Variants in ADAM19 observed in about 807,000 individuals in gnomAD.
The protein encoded by ADAM19 is ADAM metallopeptidase domain 19, also known as disintegrin and metalloproteinase domain-containing protein 19.
Under a neutral mutation model 114.7 loss-of-function variants are expected in ADAM19, and 65 were observed. That is an observed-to-expected ratio of 0.57 (90% confidence interval 0.46 to 0.70). The LOEUF is 0.70. Among genes scored for constraint, ADAM19 ranks in the 30% least tolerant of loss-of-function variants. The pLI, the probability that ADAM19 is intolerant of heterozygous loss-of-function variation, is 0.00. For missense variants in ADAM19, 1,063 were observed against 1,204.7 expected, an observed-to-expected ratio of 0.88 and a Z score of 1.74; for synonymous variants, 466 against 460.5, an observed-to-expected ratio of 1.01 and a Z score of -0.15.
In ADAM19 at chr5:157,570,958, G is replaced by A; in HGVS notation, c.117C>T (p.Pro39=). ...GWTRGSEEGS[P]KLQHELIIPQ... ...GTATGATAAGTTCATGCTGCAGCTTGGGGCTGCCTTCCTCACTTCCTCCTG... is the reference window on the plus strand; with the variant it reads ...GTATGATAAGTTCATGCTGCAGCTTAGGGCTGCCTTCCTCACTTCCTCCTG... The change falls in exon 2 of 23, where the codon CCC becomes CCT. Residue 39 remains proline, a synonymous_variant. Transcript: ENST00000257527. 1.9e-6 allele frequency: 3 copies of A among 1,614,076 alleles called. No homozygotes were observed. The highest frequency in any genetic ancestry group is 2.5e-6 in the Non-Finnish European group (3 of 1,179,980).
At chr5:157,511,875 G>A (rs1006341573) in intron 8 of ADAM19, among the ~76,000 whole-genome samples, 4 of 152,174 alleles carry the variant, frequency 2.6e-5, no homozygotes, top group Non-Finnish European at 5.9e-5. Context: ...CCAGGCTTAG[G>A]GCTTTCAGTA....
chr5:157,567,738 G>A (rs1183375112), intron 2 of ADAM19, among the ~76,000 whole-genome samples: 4 of 151,736 alleles, frequency 2.6e-5, no homozygotes, highest in East Asian at 1.9e-4. Flanking sequence ...CAGAGGTTGC[G>A]GTAAGCTGAG....
At chr5:157,530,111 G>A (rs771866847) in intron 5 of ADAM19, among the ~76,000 whole-genome samples, 1 of 152,130 alleles carries the variant, frequency 6.6e-6, no homozygotes, top group Non-Finnish European at 1.5e-5. Context: ...ACCATAGAGG[G>A]ACTGCCCCTT....
chr5:157,539,808 T>C (rs1215916886), intron 3 of ADAM19, among the ~76,000 whole-genome samples: 2 of 152,206 alleles, frequency 1.3e-5, no homozygotes, highest in Non-Finnish European at 1.5e-5. Flanking sequence ...GTAAGCCTCA[T>C]GAGGGCAGAG....
chr5:157,493,209 G>A (rs749112912), intron 15 of ADAM19, 32 bp from the exon 16 acceptor site: 34 of 1,604,508 alleles, frequency 2.1e-5, no homozygotes, highest in Admixed American at 3.3e-5. Flanking sequence ...GGAAGGAAGC[G>A]GAATCAGAGG....
chr5:157,554,099 A>T (rs181620745), intron 3 of ADAM19, among the ~76,000 whole-genome samples: 159 of 152,368 alleles, frequency 1.0e-3, no homozygotes, highest in African/African-American at 5.1e-4. Flanking sequence ...AGGGATTTTT[A>T]AAATCTACAT....
At chr5:157,481,483 C>T in intron 22 of ADAM19, 1 of 946,846 alleles carries the variant, frequency 1.1e-6, no homozygotes, top group South Asian at 1.8e-5. Flanking sequence ...TACTGCTCAT[C>T]ATAGCCTCTG....
At chr5:157,551,411 C>CAAAAAAA (rs1307546089) in intron 3 of ADAM19, among the ~76,000 whole-genome samples, 3 of 73,486 alleles carry the variant, frequency 4.1e-5, no homozygotes, top group South Asian at 4.1e-4. Flanking sequence ...CCCCCCAACC[C>CAAAAAAA]CAAAAAAAAA....
chr5:157,571,078 T>C, intron 1 of ADAM19, 98 bp from the exon 2 acceptor site: 1 of 960,102 alleles, frequency 1.0e-6, no homozygotes, highest in African/African-American at 1.6e-5. Context: ...CACTGGGTCA[T>C]TAGAAGACTT....
rs572323626 is a variant in ADAM19, at chr5:157,491,623, G to T, written c.2087C>A (p.Pro696His). 4.0e-6 allele frequency: 6 copies of T among 1,517,200 alleles called. No individual in the cohort carries two copies. In the African/African-American group the frequency reaches 5.5e-5, roughly 14 times the overall value. The allele number at this position is 1,517,200 out of a possible 1,614,324, so 94.0% of individuals were successfully genotyped here. Residue 696 changes from proline to histidine, a missense_variant, in exon 18 of 23, where the codon CCC (proline) becomes CAC (histidine). Transcript: ENST00000257527. ...AGCAGGCTGGCACTCACTCTCAGGGGGCATAGGCCCACTGTCGATACTGCC... is the reference window on the plus strand; with the variant it reads ...AGCAGGCTGGCACTCACTCTCAGGGTGCATAGGCCCACTGTCGATACTGCC... ...HGGSIDSGPM[P>H]PESVGPVVAG...
At chr5:157,511,983 C>T (rs549968436) in intron 8 of ADAM19, among the ~76,000 whole-genome samples, 9 of 152,300 alleles carry the variant, frequency 5.9e-5, no homozygotes, top group Admixed American at 4.6e-4. Context: ...CAGCCAAGTC[C>T]GAACCTGCCA....
At chr5:157,569,159 C>T (rs1469640563) in intron 2 of ADAM19, 5 of 152,068 alleles carry the variant, frequency 3.3e-5, no homozygotes, top group Admixed American at 6.6e-5. Flanking sequence ...TTCAGCCTCT[C>T]CTACTTTTTG....
intron 3 of ADAM19, among the ~76,000 whole-genome samples, chr5:157,557,171 G>A (rs1757390294): frequency 6.6e-6 from 1 of 152,188 alleles, no homozygotes. Context: ...GCCTCCCAAA[G>A]TGCTAGGATT....
Position 157,491,629 on chromosome 5 carries a change from G to A in ADAM19, c.2081C>T (p.Pro694Leu). Reference sequence around the variant, plus strand: ...CTGGCACTCACTCTCAGGGGGCATAGGCCCACTGTCGATACTGCCCCCGTG... The same window carrying A: ...CTGGCACTCACTCTCAGGGGGCATAAGCCCACTGTCGATACTGCCCCCGTG... ...PGHGGSIDSG[P>L]MPPESVGPVV... Residue 694 changes from proline (P) to leucine (L), a missense_variant, in exon 18 of 23, where the codon CCT (proline) becomes CTT (leucine). Physicochemically the swap from Pro to Leu is moderately conservative, Grantham distance 98. This residue lies in a region of ADAM19 where 424 missense variants were observed against 445.5 expected (regional missense o/e 0.95). Coordinates refer to ENST00000257527, the MANE Select transcript of ADAM19 (RefSeq NM_033274.5). 6.6e-7 allele frequency: 1 copy of A among 1,526,344 alleles called. No individual in the cohort carries two copies. Among genetic ancestry groups the A allele is most frequent in the Non-Finnish European group, 8.8e-7 (1 of 1,136,354 alleles). 94.6% of individuals were successfully genotyped at this position (1,526,344 alleles called of 1,614,324 possible).
At chr5:157,567,931 C>A (rs545151551) in intron 2 of ADAM19, 1 of 152,012 alleles carries the variant, frequency 6.6e-6, no homozygotes, top group Non-Finnish European at 1.5e-5. Context: ...AATCAAAGCA[C>A]TATCTTCCCC....
At chr5:157,482,928 CTA>C (rs896308744) in intron 21 of ADAM19, among the ~76,000 whole-genome samples, 6 of 152,144 alleles carry the variant, frequency 3.9e-5, no homozygotes, top group Non-Finnish European at 2.9e-5. Context: ...ACGCTGGAAA[CTA>C]TCATTCTCAG....
At chr5:157,484,548 G>T (rs921300542) in intron 21 of ADAM19, among the ~76,000 whole-genome samples, 2 of 152,132 alleles carry the variant, frequency 1.3e-5, no homozygotes, top group Admixed American at 1.3e-4. Flanking sequence ...TCACTACCAC[G>T]TATTAAAGTG....
chr5:157,517,428 T>C (rs4579243), intron 7 of ADAM19, among the ~76,000 whole-genome samples: 12,548 of 152,268 alleles, frequency 0.082, 624 homozygotes, highest in South Asian at 0.18. Context: ...AGTACTTATA[T>C]GATGGAGTCA....
intron 5 of ADAM19, among the ~76,000 whole-genome samples, chr5:157,523,363 G>A (rs575822981): frequency 2.5e-4 from 38 of 152,318 alleles, no homozygotes; most frequent in African/African-American, 8.9e-4. Context: ...AAGTCTCACG[G>A]TAGAATGTGG....
Sources: gnomAD v4.1 joint callset for allele counts (sites outside exome capture counted in the v4.1 genomes callset) on GRCh38, gnomAD v4.1.1 for gene constraint, gnomAD v4.1.1 regional missense constraint, MANE v1.5 for transcripts, NCBI Gene and HGNC (gene_info 2026-07-23, HGNC 2026-07-21) for gene names.